LRRTM4: variants seen among roughly 807,000 people sequenced by gnomAD.
The protein encoded by LRRTM4 is leucine-rich repeat transmembrane neuronal protein 4.
In LRRTM4, 25 loss-of-function variants were observed where a neutral mutation model predicts 47.6. The ratio of observed to expected loss-of-function variants is 0.53; its 90% CI spans 0.38 to 0.73. The LOEUF is 0.73. Among genes scored for constraint, LRRTM4 ranks in the 30% least tolerant of loss-of-function variants. The pLI, the probability that LRRTM4 is intolerant of heterozygous loss-of-function variation, is 0.00. For missense variants in LRRTM4, 638 were observed against 713.4 expected (o/e 0.89, Z 1.20); for synonymous variants, 311 against 269.5 (o/e 1.15, Z -1.51).
intron 3 of LRRTM4, among the ~76,000 whole-genome samples, chr2:77,454,415 C>T (rs910386933): frequency 2.0e-5 from 3 of 152,140 alleles, no homozygotes; most frequent in African/African-American, 7.2e-5. Flanking sequence ...CTTTTCTTTA[C>T]CGCATTTCTT....
intron 3 of LRRTM4, among the ~76,000 whole-genome samples, chr2:77,173,071 A>G (rs1020153375): frequency 2.6e-5 from 4 of 152,214 alleles, no homozygotes; most frequent in African/African-American, 9.6e-5. Flanking sequence ...CAAGTTGTTT[A>G]ATAAAGGATG....
intron 3 of LRRTM4, among the ~76,000 whole-genome samples, chr2:77,096,860 CTT>C (rs539490858): frequency 6.3e-4 from 96 of 151,768 alleles, no homozygotes; most frequent in Non-Finnish European, 1.2e-3. Flanking sequence ...GGAAGAAACA[CTT>C]TCAGATATAT....
intron 3 of LRRTM4, among the ~76,000 whole-genome samples, chr2:76,933,733 T>G (rs145858456): frequency 6.6e-6 from 1 of 152,198 alleles, no homozygotes; most frequent in African/African-American, 2.4e-5. Flanking sequence ...GACTGATGAT[T>G]TAAATAAATA....
At chr2:77,139,552 C>T (rs1323356115) in intron 3 of LRRTM4, among the ~76,000 whole-genome samples, 1 of 152,086 alleles carries the variant, frequency 6.6e-6, no homozygotes, top group African/African-American at 2.4e-5. Context: ...GAAGCATTTC[C>T]ATTGAAAACT....
chr2:76,828,583 T>C (rs1390550558), intron 3 of LRRTM4, among the ~76,000 whole-genome samples: 4 of 151,980 alleles, frequency 2.6e-5, no homozygotes, highest in Admixed American at 6.6e-5. Flanking sequence ...AACAGTTTCT[T>C]ACCACAGCTG....
intron 3 of LRRTM4, among the ~76,000 whole-genome samples, chr2:77,458,112 A>G (rs1676632220): frequency 6.6e-6 from 1 of 152,150 alleles, no homozygotes; most frequent in Admixed American, 6.6e-5. Flanking sequence ...CATATGTCCA[A>G]TATTTTTTTA....
At chr2:77,086,660 T>C (rs1284609139) in intron 3 of LRRTM4, among the ~76,000 whole-genome samples, 9 of 145,152 alleles carry the variant, frequency 6.2e-5, no homozygotes, top group African/African-American at 1.7e-4. Flanking sequence ...GTTTGTTTAT[T>C]TGTTTGTTAT....
At chr2:76,950,340 G>A (rs1675455903) in intron 3 of LRRTM4, among the ~76,000 whole-genome samples, 1 of 151,904 alleles carries the variant, frequency 6.6e-6, no homozygotes, top group Non-Finnish European at 1.5e-5. Flanking sequence ...TATTGGGATG[G>A]AGTCAGACAC....
rs575236422 is a variant in LRRTM4, at chr2:77,034,529, C to G, written c.1552-285613G>C. On this transcript the variant is annotated intron_variant, in intron 3 of 3. Coordinates refer to ENST00000409884, the MANE Select transcript of LRRTM4 (RefSeq NM_001134745.3). ...TTTCTCTCCGTCTTCTATTTTCTTA[C>G]TATTTATGGGTGGAAGCTCTGGGGA... Among the ~76,000 whole-genome samples, 8 of 151,960 alleles carry G rather than the reference C, an allele frequency of 5.3e-5. No individual in the cohort carries two copies. The South Asian group carries it at 1.2e-3, about 24-fold the overall frequency.
intron 3 of LRRTM4, among the ~76,000 whole-genome samples, chr2:77,257,607 T>G (rs1023775730): frequency 2.0e-5 from 3 of 151,978 alleles, no homozygotes; most frequent in African/African-American, 7.2e-5. Flanking sequence ...TTCCTTTGCT[T>G]TAGGAAAGCC....
rs143971155 is a variant in LRRTM4, at chr2:77,044,627, CTATA to C, written c.1552-295715_1552-295712del. 1.1e-4 allele frequency among the ~76,000 whole-genome samples: 17 copies of C among 150,094 alleles called. No individual in the cohort carries two copies. In the South Asian group the frequency reaches 1.3e-3, roughly 11 times the overall value. ...AACTAGTTTATTTGATTTTTTTTGG[CTATA>C]TATATATACACACAAACATATACAA... On this transcript the variant is annotated intron_variant, in intron 3 of 3. Coordinates refer to ENST00000409884, the MANE Select transcript of LRRTM4 (RefSeq NM_001134745.3).
chr2:77,061,375 T>C (rs1375713705), intron 3 of LRRTM4, among the ~76,000 whole-genome samples: 1 of 151,806 alleles, frequency 6.6e-6, no homozygotes, highest in Non-Finnish European at 1.5e-5. Context: ...TCCACCAAAA[T>C]CTGAAAAAAA....
chr2:76,885,524 G>A (rs914860507), intron 3 of LRRTM4, among the ~76,000 whole-genome samples: 4 of 149,168 alleles, frequency 2.7e-5, no homozygotes, highest in Admixed American at 2.0e-4. Flanking sequence ...GTGCAGTGGC[G>A]CGATCTCGGC....
intron 3 of LRRTM4, among the ~76,000 whole-genome samples, chr2:77,020,898 A>G (rs2104102462): frequency 6.6e-6 from 1 of 152,170 alleles, no homozygotes; most frequent in African/African-American, 2.4e-5. Context: ...ATACCAAACT[A>G]TTTTCAGAAT....
chr2:77,237,167 A>ATTT (rs34136416), intron 3 of LRRTM4, among the ~76,000 whole-genome samples: 2 of 141,212 alleles, frequency 1.4e-5, no homozygotes, highest in East Asian at 2.1e-4. Context: ...TTGTTGGGGG[A>ATTT]TTTTTTTTTT....
chr2:77,095,504 C>G (rs1823131), intron 3 of LRRTM4, among the ~76,000 whole-genome samples: 57,841 of 149,356 alleles, frequency 0.39, 12,729 homozygotes, highest in East Asian at 0.69. Flanking sequence ...ATACCATATG[C>G]AAACTTTTTT....
rs543827170 is a variant in LRRTM4 at position 77,346,054 on chromosome 2, C to T, written c.1551+172264G>A. 5.9e-5 allele frequency among the ~76,000 whole-genome samples: 9 copies of T among 151,844 alleles called. 1 individual carries two copies. The South Asian group carries it at 8.3e-4, about 14-fold the overall frequency. On this transcript the variant is annotated intron_variant, in intron 3 of 3. Coordinates refer to ENST00000409884, the MANE Select transcript of LRRTM4 (RefSeq NM_001134745.3). ...AGAATAAATAAACTATAGGTACTTG[C>T]GTCACCCTTATGAATAAAAGGAGGT...
chr2:77,084,153 C>A (rs1680631072), intron 3 of LRRTM4, among the ~76,000 whole-genome samples: 1 of 151,874 alleles, frequency 6.6e-6, no homozygotes, highest in Admixed American at 6.6e-5. Context: ...AAGGTCTCAC[C>A]GATAATATAT....
intron 3 of LRRTM4, among the ~76,000 whole-genome samples, chr2:76,844,446 TTTA>T (rs1373896633): frequency 2.0e-5 from 3 of 152,080 alleles, no homozygotes; most frequent in Non-Finnish European, 4.4e-5. Context: ...CAATAATTGC[TTTA>T]TTAATATACT....
Sources: allele counts gnomAD v4.1 joint callset (sites outside exome capture counted in the v4.1 genomes callset), GRCh38; gene constraint gnomAD v4.1.1; transcripts MANE v1.5; gene names NCBI Gene and HGNC (gene_info 2026-07-23, HGNC 2026-07-21).